The following RBFOX3 variants were observed in gnomAD, a reference collection of about 807,000 sequenced individuals.
RBFOX3 encodes the protein RNA binding protein fox-1 homolog 3.
Under a neutral mutation model 48.7 loss-of-function variants are expected in RBFOX3, and 17 were observed. The ratio of observed to expected loss-of-function variants is 0.35; its 90% CI spans 0.24 to 0.52. RBFOX3 has a LOEUF of 0.52. Among genes scored for constraint, RBFOX3 ranks in the 20% least tolerant of loss-of-function variants. The probability of loss-of-function intolerance (pLI) is 0.94; values close to 1 mark genes in which losing one functional copy is unlikely to be tolerated. For synonymous variants in RBFOX3, 212 were observed against 209.5 expected (o/e 1.01, Z -0.10); for missense variants, 382 against 497.5 (o/e 0.77, Z 2.21).
intron 4 of RBFOX3, among the ~76,000 whole-genome samples, chr17:79,128,639 A>G (rs1344858906): frequency 6.6e-6 from 1 of 152,140 alleles, no homozygotes; most frequent in Admixed American, 6.5e-5. Flanking sequence ...GAGGCCCCTG[A>G]CCAGCATGGA....
the RBFOX3 span, among the ~76,000 whole-genome samples, chr17:79,654,073 A>C: frequency 6.6e-6 from 1 of 152,064 alleles, no homozygotes. Flanking sequence ...TAAAGCAAGC[A>C]GTTTTGCTAA....
rs1253064878 is a variant in RBFOX3, at chr17:79,103,041, C to T, written c.507+121G>A. ...CTTAGTGCGACCCTTCCTCCCACCC[C>T]AGGGAACCCTGGCCAGGCTCTCTGA... On this transcript the variant is annotated intron_variant, in intron 8 of 14. Coordinates refer to ENST00000693108, the MANE Select transcript of RBFOX3 (RefSeq NM_001350451.2). This position sits in a 1 kb window ranked among gnomAD's most constrained non-coding sequence, Gnocchi z 6.1. 1 of 748,622 alleles carries T rather than the reference C, an allele frequency of 1.3e-6. No homozygotes were observed. The allele number at this position is 748,622 out of a possible 1,614,324, so 46.4% of individuals were successfully genotyped here.
the RBFOX3 span, among the ~76,000 whole-genome samples, chr17:79,643,810 T>C: frequency 6.6e-6 from 1 of 152,144 alleles, no homozygotes; most frequent in Admixed American, 6.6e-5. Flanking sequence ...AGAAAATTTG[T>C]AGCTTTAATA....
intron 1 of RBFOX3, among the ~76,000 whole-genome samples, chr17:79,488,454 AG>A (rs1665859165): frequency 6.6e-6 from 1 of 152,116 alleles, no homozygotes. Context: ...TTGAATTCTG[AG>A]GCTGTTCGTC....
intron 4 of RBFOX3, among the ~76,000 whole-genome samples, chr17:79,134,052 G>A (rs1157694634): frequency 1.3e-5 from 2 of 152,210 alleles, no homozygotes; most frequent in African/African-American, 4.8e-5. Context: ...CAGGACATGA[G>A]GTGGGCAGGA....
intron 12 of RBFOX3, among the ~76,000 whole-genome samples, 187 bp from the exon 13 acceptor site, chr17:79,095,761 C>G (rs899757059): frequency 6.6e-6 from 1 of 152,216 alleles, no homozygotes; most frequent in African/African-American, 2.4e-5. Context: ...TAGTTCTGGT[C>G]TAACACAGGA....
intron 3 of RBFOX3, among the ~76,000 whole-genome samples, chr17:79,259,239 A>G (rs1268549963): frequency 6.6e-6 from 1 of 152,058 alleles, no homozygotes; most frequent in Non-Finnish European, 1.5e-5. Flanking sequence ...GCATCTGTGG[A>G]CTCTGCCCCA....
chr17:79,262,667 C>T (rs1246964842), intron 3 of RBFOX3, among the ~76,000 whole-genome samples: 3 of 152,188 alleles, frequency 2.0e-5, no homozygotes, highest in African/African-American at 7.2e-5. Context: ...TGGACAAGCC[C>T]ACAGGCAGGA....
intron 14 of RBFOX3, among the ~76,000 whole-genome samples, chr17:79,092,812 A>T (rs182448933): frequency 1.3e-5 from 2 of 152,248 alleles, no homozygotes; most frequent in East Asian, 3.9e-4. Flanking sequence ...CAACAGGAAG[A>T]GTAGGACCTG....
intron 1 of RBFOX3, among the ~76,000 whole-genome samples, chr17:79,509,534 G>A (rs1324217948): frequency 3.9e-5 from 6 of 152,272 alleles, no homozygotes; most frequent in East Asian, 1.9e-4. Context: ...CACTTGTATC[G>A]TAACAGCGTT....
At chr17:79,546,741 C>T (rs1014670525) in intron 1 of RBFOX3, among the ~76,000 whole-genome samples, 3 of 150,610 alleles carry the variant, frequency 2.0e-5, no homozygotes, top group Non-Finnish European at 4.4e-5. Context: ...GCTATCTCTG[C>T]TCACTGCAAC....
chr17:79,250,970 G>A (rs563332350), intron 3 of RBFOX3, among the ~76,000 whole-genome samples: 3 of 151,962 alleles, frequency 2.0e-5, no homozygotes, highest in South Asian at 4.2e-4. Context: ...CACCAAGCCC[G>A]GCTAATTTTT....
chr17:79,244,983 CCCTT>C (rs1021060843), intron 3 of RBFOX3, among the ~76,000 whole-genome samples: 6 of 148,300 alleles, frequency 4.0e-5, no homozygotes, highest in African/African-American at 7.5e-5. Flanking sequence ...TTCCCTCCCT[CCCTT>C]CCTTCCTCCC....
intron 1 of RBFOX3, among the ~76,000 whole-genome samples, chr17:79,576,207 G>A (rs2092850551): frequency 6.6e-6 from 1 of 152,214 alleles, no homozygotes; most frequent in African/African-American, 2.4e-5. Flanking sequence ...CACAAATCCT[G>A]CCTGTCCTAG....
At chr17:79,539,155 C>T (rs1274391850) in intron 1 of RBFOX3, among the ~76,000 whole-genome samples, 3 of 152,052 alleles carry the variant, frequency 2.0e-5, no homozygotes, top group African/African-American at 4.8e-5. Flanking sequence ...AGTCCGAGAC[C>T]AGCCTGGGCA....
At chr17:79,294,883 G>A (rs934725749) in intron 3 of RBFOX3, among the ~76,000 whole-genome samples, 4 of 152,152 alleles carry the variant, frequency 2.6e-5, no homozygotes, top group Non-Finnish European at 5.9e-5. Context: ...GCTTTAATTC[G>A]TTTCCCTCCC....
intron 3 of RBFOX3, among the ~76,000 whole-genome samples, chr17:79,296,175 C>T (rs1371426610): frequency 1.3e-5 from 2 of 152,088 alleles, no homozygotes; most frequent in African/African-American, 2.4e-5. Flanking sequence ...TTGTGGGGCT[C>T]CCCAGTGTAC....
chr17:79,527,361 A>G (rs1381133686), intron 1 of RBFOX3, among the ~76,000 whole-genome samples: 1 of 152,208 alleles, frequency 6.6e-6, no homozygotes, highest in Non-Finnish European at 1.5e-5. Flanking sequence ...GGAAACGCCC[A>G]TCCTGCCACT....
intron 4 of RBFOX3, among the ~76,000 whole-genome samples, chr17:79,134,396 G>A (rs555522583): frequency 1.3e-5 from 2 of 152,320 alleles, no homozygotes; most frequent in South Asian, 2.1e-4. Flanking sequence ...TTGGTGGTCC[G>A]GGCAGTGGCT....
Sources: gnomAD v4.1 joint callset for allele counts (sites outside exome capture counted in the v4.1 genomes callset) on GRCh38, gnomAD v4.1.1 for gene constraint, Gnocchi (gnomAD v3.1) non-coding constraint, MANE v1.5 for transcripts, NCBI Gene and HGNC (gene_info 2026-07-23, HGNC 2026-07-21) for gene names.